Variants in FAF1 observed in about 807,000 individuals in gnomAD.
FAF1 encodes the protein FAS-associated factor 1.
Under a neutral mutation model 92.5 loss-of-function variants are expected in FAF1, and 25 were observed. The observed-to-expected ratio is 0.27, with a 90% CI of 0.20 to 0.38. The LOEUF (loss-of-function observed/expected upper bound fraction) is 0.38. FAF1 is among the 10% of genes least tolerant of loss of function. FAF1 has a pLI of 1.00. For synonymous variants in FAF1, 234 were observed against 273.2 expected, an observed-to-expected ratio of 0.86 and a Z score of 1.42; for missense variants, 636 against 793.3, an observed-to-expected ratio of 0.80 and a Z score of 2.38.
intron 6 of FAF1, among the ~76,000 whole-genome samples, chr1:50,724,738 C>G (rs990798312): frequency 4.6e-5 from 7 of 152,244 alleles, no homozygotes; most frequent in Non-Finnish European, 1.0e-4. Flanking sequence ...ATACATACCA[C>G]GTTAGATTTC....
At chr1:50,579,117 A>G (rs1268453816) in intron 12 of FAF1, among the ~76,000 whole-genome samples, 1 of 152,180 alleles carries the variant, frequency 6.6e-6, no homozygotes, top group Non-Finnish European at 1.5e-5. Context: ...CAATTGTTTC[A>G]TTAGAAATAT....
rs142581750 is a variant in FAF1 at position 50,445,764 on chromosome 1, A to G, written c.1870-4241T>C. Reference sequence around the variant, plus strand: ...TAAGAGGTATGGCTTGATTTTGTCTATAGTTAGAAAAGGAAAGTCAACCAT... The same window carrying G: ...TAAGAGGTATGGCTTGATTTTGTCTGTAGTTAGAAAAGGAAAGTCAACCAT... On this transcript the variant is annotated intron_variant, in intron 18 of 18. Coordinates refer to ENST00000396153, the MANE Select transcript of FAF1 (RefSeq NM_007051.3). Among the ~76,000 whole-genome samples, 603 of 152,318 alleles carry G rather than the reference A, an allele frequency of 4.0e-3. 16 individuals carry two copies. Among genetic ancestry groups the G allele is most frequent in the Admixed American group, 0.028 (426 of 15,294 alleles).
chr1:50,463,246 GTAAT>G (rs1371527451), intron 18 of FAF1, among the ~76,000 whole-genome samples: 6 of 152,170 alleles, frequency 3.9e-5, no homozygotes, highest in African/African-American at 1.2e-4. Context: ...ACTGCTGGAG[GTAAT>G]TAAACACGTC....
Position 50,475,540 on chromosome 1 carries a change from A to T in FAF1, c.1793T>A (p.Ile598Asn). The change falls in exon 18 of 19, where the codon ATT (isoleucine) becomes AAT (asparagine). Residue 598 changes from isoleucine to asparagine, a missense_variant. This residue lies in a region of FAF1 where 319 missense variants were observed against 451.0 expected (regional missense o/e 0.71). Transcript: ENST00000396153. ...TTTGGAAGCTACAAAATCAAAGACA[A>T]TCTGGAGCTTGTTGCTGGCCAGGAA... ...RRFLASNKLQ[I>N]VFDFVASKGF... 6.2e-7 allele frequency: 1 copy of T among 1,614,166 alleles called. No homozygotes were observed.
intron 4 of FAF1, among the ~76,000 whole-genome samples, chr1:50,764,974 C>A (rs1660510744): frequency 6.6e-6 from 1 of 152,138 alleles, no homozygotes; most frequent in South Asian, 2.1e-4. Flanking sequence ...TTAACACAAA[C>A]CAAGTTATTA....
At chr1:50,808,077 C>T (rs1215552011) in intron 2 of FAF1, among the ~76,000 whole-genome samples, 1 of 152,140 alleles carries the variant, frequency 6.6e-6, no homozygotes, top group African/African-American at 2.4e-5. Context: ...ACCCTACAAG[C>T]CAGAAGAGAT....
intron 15 of FAF1, among the ~76,000 whole-genome samples, chr1:50,530,680 T>C (rs1648105417): frequency 1.3e-5 from 2 of 152,164 alleles, no homozygotes; most frequent in South Asian, 2.1e-4. Context: ...CTTGAGGAGA[T>C]GGATACCCCA....
intron 2 of FAF1, among the ~76,000 whole-genome samples, chr1:50,805,571 C>CTAT: frequency 6.6e-6 from 1 of 152,168 alleles, no homozygotes; most frequent in Non-Finnish European, 1.5e-5. Context: ...ATTGTAACAT[C>CTAT]ACATATGAAA....
chr1:50,476,422 A>G (rs1646640226), intron 17 of FAF1, among the ~76,000 whole-genome samples: 1 of 152,220 alleles, frequency 6.6e-6, no homozygotes, highest in Non-Finnish European at 1.5e-5. Flanking sequence ...GGACCTACAG[A>G]TGGACCAAAC....
rs1322884099 is a variant in FAF1 at position 50,655,520 on chromosome 1, T to A, written c.666A>T (p.Arg222Ser). Residue 222 changes from arginine (R) to serine (S), a missense_variant, in exon 8 of 19, where the codon AGA becomes AGT. Transcript: ENST00000396153. ...GGATACTTGTAAGGTCATACACATT[T>A]CTCTTTACCTATGAAAAGAAAGAAA... The part of the protein sequence containing the change: ...SGSSTIQEVK[R>S]NVYDLTSIPV... The A allele has an allele frequency of 6.2e-7, 1 of 1,603,950 alleles. No individual in the cohort carries two copies. Among genetic ancestry groups the A allele is most frequent in the East Asian group, 2.2e-5 (1 of 44,838 alleles).
intron 1 of FAF1, among the ~76,000 whole-genome samples, chr1:50,907,655 G>T (rs1002271908): frequency 3.9e-5 from 6 of 152,096 alleles, no homozygotes; most frequent in African/African-American, 1.4e-4. Flanking sequence ...AGATTTTCTA[G>T]TTTTTTTTCA....
rs1414573502 is a variant in FAF1 at position 50,438,418 on chromosome 1, A to C, written c.*3022T>G. On this transcript the variant is annotated 3_prime_UTR_variant, in exon 19 of 19. Transcript: ENST00000396153. ...GTATGTGAAGATCTCTCTTCCTCTA[A>C]GAATTTTAAAAAGGATCAAAAGAGA... The C allele has an allele frequency of 6.6e-6, 1 of 152,142 alleles. No individual in the cohort carries two copies. The highest frequency in any genetic ancestry group is 1.5e-5 in the Non-Finnish European group (1 of 68,056). The allele number at this position is 152,142 out of a possible 1,614,324, so 9.4% of individuals were successfully genotyped here.
At chr1:50,567,502 T>C (rs1250052836) in intron 12 of FAF1, among the ~76,000 whole-genome samples, 1 of 152,114 alleles carries the variant, frequency 6.6e-6, no homozygotes, top group East Asian at 1.9e-4. Context: ...CTATCTCAAA[T>C]GAAGTTGCAA....
intron 6 of FAF1, among the ~76,000 whole-genome samples, chr1:50,709,503 A>AT (rs1012283939): frequency 3.3e-5 from 5 of 152,138 alleles, no homozygotes; most frequent in African/African-American, 4.8e-5. Context: ...ACTGATTATC[A>AT]TTTTTTTAGC....
At chr1:50,522,143 A>G (rs1021559782) in intron 15 of FAF1, among the ~76,000 whole-genome samples, 3 of 152,200 alleles carry the variant, frequency 2.0e-5, no homozygotes, top group African/African-American at 7.2e-5. Context: ...AGTGAATATA[A>G]TATTTGCGAA....
chr1:50,888,468 A>G (rs1430234050), intron 1 of FAF1, among the ~76,000 whole-genome samples: 1 of 152,164 alleles, frequency 6.6e-6, no homozygotes, highest in East Asian at 1.9e-4. Context: ...TTCAAAGGGA[A>G]TGCTTCCAGT....
intron 1 of FAF1, among the ~76,000 whole-genome samples, chr1:50,884,540 T>A (rs868088362): frequency 1.7e-3 from 238 of 143,542 alleles, no homozygotes; most frequent in Non-Finnish European, 2.6e-3. Flanking sequence ...AAAAAAAAAA[T>A]TTTTTTTCTT....
chr1:50,467,734 C>G (rs910189671), intron 18 of FAF1, among the ~76,000 whole-genome samples: 2 of 152,136 alleles, frequency 1.3e-5, no homozygotes, highest in African/African-American at 4.8e-5. Flanking sequence ...AGGTTTATAT[C>G]TAGTTTTGAT....
intron 7 of FAF1, among the ~76,000 whole-genome samples, chr1:50,694,881 G>A (rs2124402503): frequency 6.6e-6 from 1 of 151,448 alleles, no homozygotes; most frequent in East Asian, 2.0e-4. Flanking sequence ...AGAACTGCTT[G>A]AACCCAACAG....
Sources: allele counts gnomAD v4.1 joint callset (sites outside exome capture counted in the v4.1 genomes callset), GRCh38; gene constraint gnomAD v4.1.1; regional missense constraint gnomAD v4.1.1; transcripts MANE v1.5; gene names NCBI Gene and HGNC (gene_info 2026-07-23, HGNC 2026-07-21).